PRSS23: variants seen among roughly 807,000 people sequenced by gnomAD.
PRSS23 encodes protease, serine 23.
In PRSS23, 25 loss-of-function variants were observed where a neutral mutation model predicts 34.7. The observed-to-expected ratio is 0.72, with a 90% confidence interval of 0.53 to 1.01. PRSS23 has a LOEUF of 1.01. Among genes scored for constraint, PRSS23 ranks in the 50% least tolerant of loss-of-function variants. The probability of loss-of-function intolerance (pLI) is 0.00; values close to 1 mark genes in which losing one functional copy is unlikely to be tolerated. For missense variants in PRSS23, 445 were observed against 475.6 expected, an observed-to-expected ratio of 0.94 and a Z score of 0.60; for synonymous variants, 176 against 186.6, an observed-to-expected ratio of 0.94 and a Z score of 0.46.
At chr11:86,928,795 G>T (rs1452501799) in intron 2 of PRSS23, among the ~76,000 whole-genome samples, 2 of 145,772 alleles carry the variant, frequency 1.4e-5, no homozygotes, top group African/African-American at 5.1e-5. Context: ...AGATATATTG[G>T]ATATCTACAA....
intron 2 of PRSS23, chr11:86,823,638 C>A (rs1037819360): frequency 2.2e-5 from 15 of 695,070 alleles, no homozygotes; most frequent in Non-Finnish European, 3.4e-5. Context: ...CTTAATGGTG[C>A]TTAAATCTTT....
downstream of PRSS23, among the ~76,000 whole-genome samples, chr11:86,815,055 C>T (rs1168458807): frequency 6.6e-6 from 1 of 152,188 alleles, no homozygotes; most frequent in Non-Finnish European, 1.5e-5. Context: ...AGTTCCAATC[C>T]AGTGAAGAAA....
intron 2 of PRSS23, among the ~76,000 whole-genome samples, chr11:86,860,082 G>T (rs558526075): frequency 4.0e-5 from 6 of 151,898 alleles, no homozygotes; most frequent in South Asian, 2.1e-4. Flanking sequence ...CTGTGATATT[G>T]TTCCTAACAT....
chr11:86,847,792 A>G (rs1948498863), intron 2 of PRSS23, among the ~76,000 whole-genome samples: 1 of 152,158 alleles, frequency 6.6e-6, no homozygotes, highest in South Asian at 2.1e-4. Context: ...CCCTTCTACA[A>G]CTAGCTCTTT....
intron 1 of PRSS23, among the ~76,000 whole-genome samples, chr11:86,802,795 G>A (rs1297363733): frequency 6.6e-6 from 1 of 152,160 alleles, no homozygotes; most frequent in Admixed American, 6.5e-5. Context: ...CAAGACTAAG[G>A]TGCCGTGCAG....
At chr11:86,926,872 C>T (rs1454069134) in intron 2 of PRSS23, among the ~76,000 whole-genome samples, 1 of 152,178 alleles carries the variant, frequency 6.6e-6, no homozygotes, top group Non-Finnish European at 1.5e-5. Context: ...CCACACTAAA[C>T]TATGTTTATC....
intron 2 of PRSS23, among the ~76,000 whole-genome samples, chr11:86,943,858 C>T (rs1949222582): frequency 6.6e-6 from 1 of 151,828 alleles, no homozygotes. Flanking sequence ...ATTCTCCCAT[C>T]TCAGCCTCCC....
At chr11:86,816,941 T>C (rs1948218739) in intron 1 of PRSS23, among the ~76,000 whole-genome samples, 1 of 152,236 alleles carries the variant, frequency 6.6e-6, no homozygotes, top group Non-Finnish European at 1.5e-5. Context: ...CCTATGAAGA[T>C]TCATCTGCAG....
intron 2 of PRSS23, among the ~76,000 whole-genome samples, chr11:86,842,933 A>G (rs958102323): frequency 6.6e-5 from 10 of 152,232 alleles, no homozygotes; most frequent in Admixed American, 1.3e-4. Flanking sequence ...TAAATTTCAT[A>G]TGGAACCAAA....
At chr11:86,947,085 C>A in intron 2 of PRSS23, 1 of 153,460 alleles carries the variant, frequency 6.5e-6, no homozygotes, top group Non-Finnish European at 1.5e-5. Context: ...CACCTGTAGT[C>A]CCAGCTCCTC....
At chr11:86,849,446 G>A (rs2134916250) in intron 2 of PRSS23, among the ~76,000 whole-genome samples, 1 of 152,258 alleles carries the variant, frequency 6.6e-6, no homozygotes, top group South Asian at 2.1e-4. Context: ...AATCAACTCT[G>A]AAGTCTGGGC....
chr11:86,805,767 T>C (rs1948093856), intron 1 of PRSS23, among the ~76,000 whole-genome samples: 1 of 152,234 alleles, frequency 6.6e-6, no homozygotes, highest in African/African-American at 2.4e-5. Flanking sequence ...TCAGCTATAC[T>C]ACATCAGATC....
At chr11:86,860,897 C>T (rs1329579308) in intron 2 of PRSS23, among the ~76,000 whole-genome samples, 1 of 151,852 alleles carries the variant, frequency 6.6e-6, no homozygotes, top group South Asian at 2.1e-4. Context: ...GTGTACAGCC[C>T]CCCTGTGATA....
At chr11:86,821,269 A>G in intron 1 of PRSS23, 2 of 532,926 alleles carry the variant, frequency 3.8e-6, no homozygotes, top group Non-Finnish European at 6.3e-6. Flanking sequence ...GATGACACAA[A>G]AATGTTTCCT....
intron 2 of PRSS23, among the ~76,000 whole-genome samples, chr11:86,860,662 G>A (rs1305100856): frequency 6.6e-6 from 1 of 151,930 alleles, no homozygotes; most frequent in Non-Finnish European, 1.5e-5. Context: ...CGCAGTGGGT[G>A]TACGTTACCC....
downstream of PRSS23, among the ~76,000 whole-genome samples, chr11:86,816,169 C>T (rs776030545): frequency 9.2e-5 from 14 of 152,214 alleles, no homozygotes; most frequent in Non-Finnish European, 1.5e-4. Context: ...TGCTCAAGCT[C>T]TCCTACCCTC....
rs749140840 is a variant in PRSS23 at position 86,808,138 on chromosome 11, G to C, written c.495G>C (p.Val165=). 19 of 1,614,198 alleles carry C rather than the reference G, an allele frequency of 1.2e-5. No individual in the cohort carries two copies. The South Asian group carries it at 2.0e-4, about 17-fold the overall frequency. ...CCACGGGCTGCACCGGCACCCTGGT[G>C]GCAGAGAAGCATGTCCTCACAGCTG... ...KLSTGCTGTL[V]AEKHVLTAAH... Residue 165 remains valine (V), a synonymous_variant, in exon 2 of 2, where the codon GTG becomes GTC. Transcript: ENST00000280258.
chr11:86,947,710 A>G (rs1276259614), intron 2 of PRSS23: 1 of 152,286 alleles, frequency 6.6e-6, no homozygotes, highest in Non-Finnish European at 1.5e-5. Flanking sequence ...GAATCAACCA[A>G]GTAGCTCAAG....
intron 2 of PRSS23, among the ~76,000 whole-genome samples, chr11:86,877,234 A>ATT (rs1555077797): frequency 1.3e-5 from 2 of 151,850 alleles, no homozygotes; most frequent in Non-Finnish European, 2.9e-5. Flanking sequence ...AAGGGCAATG[A>ATT]CTGTTTTCTC....
Sources: allele counts gnomAD v4.1 joint callset (sites outside exome capture counted in the v4.1 genomes callset), GRCh38; gene constraint gnomAD v4.1.1; transcripts MANE v1.5; gene names NCBI Gene and HGNC (gene_info 2026-07-23, HGNC 2026-07-21).